Variants in KCNIP4 observed in about 807,000 individuals in gnomAD.
KCNIP4 encodes the protein potassium voltage-gated channel interacting protein 4.
A neutral mutation model predicts 34.0 loss-of-function variants in KCNIP4; 12 were observed. That is an observed-to-expected ratio of 0.35 (90% CI 0.23 to 0.57). The LOEUF (loss-of-function observed/expected upper bound fraction) is 0.57. Ranked by LOEUF, KCNIP4 falls within the 20% of genes least tolerant of loss-of-function variation. The probability of loss-of-function intolerance (pLI) is 0.83; values close to 1 mark genes in which losing one functional copy is unlikely to be tolerated. For synonymous variants in KCNIP4, 124 were observed against 102.2 expected (o/e 1.21, Z -1.29); for missense variants, 238 against 311.7 (o/e 0.76, Z 1.78).
At chr4:21,239,137 T>C (rs1320740961) in intron 1 of KCNIP4, among the ~76,000 whole-genome samples, 3 of 151,916 alleles carry the variant, frequency 2.0e-5, no homozygotes, top group African/African-American at 7.3e-5. Flanking sequence ...GGATTCCCTA[T>C]TTAACAAATG....
intron 1 of KCNIP4, among the ~76,000 whole-genome samples, chr4:21,053,053 A>G (rs1743067090): frequency 6.6e-6 from 1 of 151,952 alleles, no homozygotes; most frequent in Non-Finnish European, 1.5e-5. Flanking sequence ...ATATATATAT[A>G]AATAAAAATC....
At chr4:21,282,045 C>T (rs1203902853) in intron 1 of KCNIP4, among the ~76,000 whole-genome samples, 1 of 152,132 alleles carries the variant, frequency 6.6e-6, no homozygotes, top group African/African-American at 2.4e-5. Context: ...AGGATGTGAT[C>T]ACTAAAAAGA....
intron 1 of KCNIP4, among the ~76,000 whole-genome samples, chr4:21,417,206 G>A (rs1460468306): frequency 6.6e-6 from 1 of 151,850 alleles, no homozygotes; most frequent in Non-Finnish European, 1.5e-5. Flanking sequence ...CAAACATAAG[G>A]TCGTGCAGAG....
intron 3 of KCNIP4, among the ~76,000 whole-genome samples, chr4:20,782,764 C>T (rs962045087): frequency 1.3e-5 from 2 of 152,164 alleles, no homozygotes; most frequent in African/African-American, 2.4e-5. Context: ...ACACTTTCCC[C>T]ATTGTCTTGG....
intron 1 of KCNIP4, among the ~76,000 whole-genome samples, chr4:21,412,762 G>T (rs1312312470): frequency 6.6e-6 from 1 of 152,150 alleles, no homozygotes; most frequent in South Asian, 2.1e-4. Flanking sequence ...CCACAATGGT[G>T]CATGTCTTTT....
At chr4:21,236,838 C>A (rs1045736677) in intron 1 of KCNIP4, among the ~76,000 whole-genome samples, 2 of 135,656 alleles carry the variant, frequency 1.5e-5, no homozygotes, top group Non-Finnish European at 1.6e-5. Flanking sequence ...TGAAACCCCA[C>A]CTCTACTAAA....
chr4:21,909,322 T>A lies in KCNIP4; in HGVS notation c.61+39249A>T, dbSNP rs188130578. ...AAGTAAATGTCTCTGAATTCTTCAG[T>A]CAGCCCAGGCTTCTCCCCCTGCCTG... On this transcript the variant is annotated intron_variant, in intron 1 of 8. Transcript: ENST00000382152. 1.5e-4 allele frequency among the ~76,000 whole-genome samples: 23 copies of A among 152,216 alleles called. 1 individual carries two copies. The East Asian group carries it at 4.1e-3, about 27-fold the overall frequency.
At chr4:21,678,378 A>G (rs1750078884) in intron 1 of KCNIP4, among the ~76,000 whole-genome samples, 2 of 142,608 alleles carry the variant, frequency 1.4e-5, no homozygotes, top group South Asian at 4.3e-4. Flanking sequence ...ACCATGCAAA[A>G]AAACAGCCAA....
At chr4:21,380,464 A>G (rs62294135) in intron 1 of KCNIP4, among the ~76,000 whole-genome samples, 64 of 107,376 alleles carry the variant, frequency 6.0e-4, no homozygotes, top group African/African-American at 2.0e-3. Flanking sequence ...AGGGGGAGAG[A>G]GAGAGAGAGA....
intron 1 of KCNIP4, among the ~76,000 whole-genome samples, chr4:21,467,863 G>A (rs1047125415): frequency 6.6e-6 from 1 of 152,168 alleles, no homozygotes; most frequent in African/African-American, 2.4e-5. Context: ...AGGGCACTGA[G>A]GATGTGGCCA....
At chr4:21,914,424 C>A (rs1322959583) in intron 1 of KCNIP4, among the ~76,000 whole-genome samples, 3 of 152,104 alleles carry the variant, frequency 2.0e-5, no homozygotes, top group African/African-American at 7.2e-5. Flanking sequence ...TCTGACCTCA[C>A]CTATGCCAGT....
chr4:20,828,945 AC>A (rs1448554331), intron 3 of KCNIP4, among the ~76,000 whole-genome samples: 1 of 151,776 alleles, frequency 6.6e-6, no homozygotes, highest in African/African-American at 2.4e-5. Flanking sequence ...AGTGTCAGAA[AC>A]CCCCCTTTAG....
intron 1 of KCNIP4, among the ~76,000 whole-genome samples, chr4:21,947,782 T>C (rs1253947703): frequency 3.9e-5 from 6 of 152,230 alleles, no homozygotes; most frequent in Admixed American, 3.3e-4. Context: ...TCTTTCCGGC[T>C]CCTGTAAAAT....
intron 3 of KCNIP4, among the ~76,000 whole-genome samples, chr4:20,822,219 G>GA (rs1717197418): frequency 6.6e-6 from 1 of 151,754 alleles, no homozygotes; most frequent in African/African-American, 2.4e-5. Context: ...AAATCAGCAA[G>GA]AAAAAAACAA....
At chr4:21,484,037 G>A (rs571090254) in intron 1 of KCNIP4, among the ~76,000 whole-genome samples, 3 of 151,902 alleles carry the variant, frequency 2.0e-5, no homozygotes, top group South Asian at 2.1e-4. Context: ...CCAGTTGCAG[G>A]TATTTCTTTG....
chr4:21,699,272 G>A (rs937063392), intron 1 of KCNIP4, among the ~76,000 whole-genome samples: 12 of 152,324 alleles, frequency 7.9e-5, no homozygotes, highest in African/African-American at 2.9e-4. Flanking sequence ...ATTCATAGAT[G>A]TAGCAATTCT....
rs368965784 is a variant in KCNIP4 at position 20,809,835 on chromosome 4, A to ATAT, written c.288+40705_288+40707dup. ...CAGCTCATCTCAGGAGTCTGCCCTT[A>ATAT]TATGAACTGCTTGTTCTTACCTTTC... On this transcript the variant is annotated intron_variant, in intron 3 of 8. Transcript: ENST00000382152. Among the ~76,000 whole-genome samples, 936 of 152,294 alleles carry ATAT rather than the reference A, an allele frequency of 6.1e-3. 6 individuals are homozygous for ATAT. The highest frequency in any genetic ancestry group is 0.022 in the African/African-American group (897 of 41,550).
At chr4:20,770,708 C>T (rs1021403561) in intron 3 of KCNIP4, among the ~76,000 whole-genome samples, 2 of 152,004 alleles carry the variant, frequency 1.3e-5, no homozygotes, top group East Asian at 1.9e-4. Context: ...CTGAAGTGGG[C>T]GGATCACCTG....
chr4:21,242,503 A>C (rs1395234981), intron 1 of KCNIP4, among the ~76,000 whole-genome samples: 2 of 152,146 alleles, frequency 1.3e-5, no homozygotes, highest in Admixed American at 1.3e-4. Flanking sequence ...ATGCCTGTGA[A>C]GGTGTCTCCA....
Sources: allele counts gnomAD v4.1 joint callset (sites outside exome capture counted in the v4.1 genomes callset), GRCh38; gene constraint gnomAD v4.1.1; transcripts MANE v1.5; gene names NCBI Gene and HGNC (gene_info 2026-07-23, HGNC 2026-07-21).